The following LRRC4C variants were observed in gnomAD, a reference collection of about 807,000 sequenced individuals.
LRRC4C encodes leucine rich repeat containing 4C.
LRRC4C carries 5 observed loss-of-function variants against 33.6 expected under a neutral mutation model. The observed-to-expected ratio is 0.15, with a 90% confidence interval of 0.08 to 0.31. The LOEUF (loss-of-function observed/expected upper bound fraction) is 0.31. LRRC4C is among the 10% of genes least tolerant of loss of function. The pLI is 1.00. For missense variants in LRRC4C, 560 were observed against 796.7 expected, an observed-to-expected ratio of 0.70 and a Z score of 3.58; for synonymous variants, 329 against 302.0, an observed-to-expected ratio of 1.09 and a Z score of -0.93.
At chr11:40,509,274 C>A (rs1955188331) in intron 3 of LRRC4C, among the ~76,000 whole-genome samples, 1 of 151,982 alleles carries the variant, frequency 6.6e-6, no homozygotes, top group African/African-American at 2.4e-5. Flanking sequence ...CAGTGTGATT[C>A]CATTTTGTTA....
chr11:41,290,433 G>A (rs1448859781), intron 1 of LRRC4C, among the ~76,000 whole-genome samples: 2 of 152,066 alleles, frequency 1.3e-5, no homozygotes, highest in Non-Finnish European at 2.9e-5. Context: ...CGTGTTGTAG[G>A]GTCTCTGATG....
intron 2 of LRRC4C, among the ~76,000 whole-genome samples, chr11:40,880,361 T>C (rs1955106516): frequency 6.6e-6 from 1 of 152,086 alleles, no homozygotes; most frequent in South Asian, 2.1e-4. Flanking sequence ...CTGAGGTGAT[T>C]CAATAGCTAA....
chr11:40,386,437 A>T (rs1379395645), intron 3 of LRRC4C, among the ~76,000 whole-genome samples: 1 of 152,188 alleles, frequency 6.6e-6, no homozygotes, highest in African/African-American at 2.4e-5. Context: ...TTCTGTAATG[A>T]GGAGATGAGA....
intron 3 of LRRC4C, among the ~76,000 whole-genome samples, chr11:40,401,566 T>C (rs570792491): frequency 3.9e-4 from 59 of 152,106 alleles, no homozygotes; most frequent in Non-Finnish European, 3.4e-4. Context: ...CAATTCATTC[T>C]GGTTGCCCAG....
At chr11:40,921,192 G>A (rs371808555) in intron 2 of LRRC4C, among the ~76,000 whole-genome samples, 3 of 152,024 alleles carry the variant, frequency 2.0e-5, no homozygotes, top group Non-Finnish European at 4.4e-5. Context: ...CAAAGTGCTG[G>A]GATTACAGGC....
chr11:40,328,604 A>G (rs943387089), intron 3 of LRRC4C, among the ~76,000 whole-genome samples: 3 of 152,222 alleles, frequency 2.0e-5, no homozygotes, highest in Non-Finnish European at 4.4e-5. Context: ...CTGGATTAAT[A>G]TTTAATAATT....
intron 3 of LRRC4C, among the ~76,000 whole-genome samples, chr11:40,596,193 T>A (rs1286664312): frequency 1.3e-5 from 2 of 152,186 alleles, no homozygotes; most frequent in African/African-American, 2.4e-5. Flanking sequence ...GGCGCAAGGC[T>A]AGGAGGTGGC....
chr11:40,592,125 C>A (rs1335983543), intron 3 of LRRC4C, among the ~76,000 whole-genome samples: 1 of 152,152 alleles, frequency 6.6e-6, no homozygotes, highest in Non-Finnish European at 1.5e-5. Context: ...AATGATGGGC[C>A]AACCCAGAAA....
chr11:41,048,863 G>A (rs543675830), intron 1 of LRRC4C, among the ~76,000 whole-genome samples: 80 of 152,276 alleles, frequency 5.3e-4, no homozygotes, highest in Non-Finnish European at 8.4e-4. Flanking sequence ...GAACAATGGC[G>A]TAGGCAGAGA....
intron 1 of LRRC4C, among the ~76,000 whole-genome samples, chr11:41,189,291 G>A (rs1945841062): frequency 6.6e-6 from 1 of 152,156 alleles, no homozygotes; most frequent in South Asian, 2.1e-4. Flanking sequence ...TCCTTTCTGA[G>A]GAAGTGGCAG....
At chr11:40,731,248 G>A (rs1947569030) in intron 2 of LRRC4C, among the ~76,000 whole-genome samples, 1 of 152,138 alleles carries the variant, frequency 6.6e-6, no homozygotes, top group Non-Finnish European at 1.5e-5. Context: ...GAACCCGGGA[G>A]GCGGAGCTTG....
intron 1 of LRRC4C, among the ~76,000 whole-genome samples, chr11:41,441,614 TA>T (rs5791441): frequency 2.2e-3 from 309 of 139,878 alleles, no homozygotes; most frequent in African/African-American, 6.6e-3. Flanking sequence ...TTTTTCCAGT[TA>T]AAAAAAAAAA....
chr11:40,498,885 G>A (rs1289987820), intron 3 of LRRC4C, among the ~76,000 whole-genome samples: 2 of 152,166 alleles, frequency 1.3e-5, no homozygotes, highest in Non-Finnish European at 2.9e-5. Context: ...AATGATCTCA[G>A]TGATTGTGAA....
chr11:40,623,527 AG>A (rs1228815185), intron 3 of LRRC4C, among the ~76,000 whole-genome samples: 1 of 152,052 alleles, frequency 6.6e-6, no homozygotes, highest in African/African-American at 2.4e-5. Context: ...AGTAACTAGT[AG>A]GATCTATAAA....
At chr11:40,165,805 C>T (rs900616728) in intron 5 of LRRC4C, among the ~76,000 whole-genome samples, 9 of 151,970 alleles carry the variant, frequency 5.9e-5, no homozygotes, top group African/African-American at 1.7e-4. Flanking sequence ...ATTAGCCGGG[C>T]GTGGTGGTGC....
intron 3 of LRRC4C, among the ~76,000 whole-genome samples, chr11:40,348,081 C>T (rs1334878086): frequency 6.6e-6 from 1 of 152,002 alleles, no homozygotes; most frequent in Admixed American, 6.6e-5. Flanking sequence ...GCATGGATCA[C>T]GGTACCCAAA....
intron 5 of LRRC4C, among the ~76,000 whole-genome samples, chr11:40,236,073 T>C (rs899890343): frequency 6.6e-6 from 1 of 151,174 alleles, no homozygotes; most frequent in African/African-American, 2.4e-5. Flanking sequence ...ACAGTGGGCA[T>C]GGAAAATCCT....
At chr11:41,211,887 A>G (rs554340852) in intron 1 of LRRC4C, among the ~76,000 whole-genome samples, 1 of 152,256 alleles carries the variant, frequency 6.6e-6, no homozygotes, top group East Asian at 1.9e-4. Flanking sequence ...CTAGTTCTAG[A>G]TCCCTGAGGA....
At chr11:40,960,596 C>T (rs1380923386) in intron 1 of LRRC4C, among the ~76,000 whole-genome samples, 1 of 151,700 alleles carries the variant, frequency 6.6e-6, no homozygotes, top group African/African-American at 2.4e-5. Flanking sequence ...AAGTTTTATA[C>T]TTCTGGCAAA....
Sources: allele counts gnomAD v4.1 joint callset (sites outside exome capture counted in the v4.1 genomes callset), GRCh38; gene constraint gnomAD v4.1.1; transcripts MANE v1.5; gene names NCBI Gene and HGNC (gene_info 2026-07-23, HGNC 2026-07-21).